IQGAP1: variants seen among roughly 807,000 people sequenced by gnomAD.
The protein encoded by IQGAP1 is ras GTPase-activating-like protein IQGAP1.
Under a neutral mutation model 215.6 loss-of-function variants are expected in IQGAP1, and 66 were observed. That is an observed-to-expected ratio of 0.31 (90% CI 0.25 to 0.38). The LOEUF (loss-of-function observed/expected upper bound fraction) is 0.38, where lower values mean the gene tolerates loss of function less well. Among genes scored for constraint, IQGAP1 ranks in the 10% least tolerant of loss-of-function variants. The pLI is 1.00. For synonymous variants in IQGAP1, 772 were observed against 728.7 expected (o/e 1.06, Z -0.96); for missense variants, 1,712 against 1,997.1 (o/e 0.86, Z 2.72).
chr15:90,400,562 A>C (rs2052073264), intron 2 of IQGAP1, among the ~76,000 whole-genome samples: 2 of 152,198 alleles, frequency 1.3e-5, no homozygotes. Context: ...GTAGGTGTTG[A>C]AATAGATGTG....
chr15:90,399,004 C>CAAAA (rs771595366), intron 2 of IQGAP1, among the ~76,000 whole-genome samples: 6 of 86,864 alleles, frequency 6.9e-5, no homozygotes, highest in East Asian at 2.9e-4. Context: ...GACATTGTCT[C>CAAAA]AAAAAAAAAA....
chr15:90,501,326 A>G lies in IQGAP1; in HGVS notation c.*1218A>G, dbSNP rs1372506968. The stretch of plus-strand genomic sequence containing the variant: ...CAGTTTTCTGGGCTTAGTTTAAAAA[A>G]AAAATCAAGTCTAAACATTGCATTT... On this transcript the variant is annotated 3_prime_UTR_variant, in exon 38 of 38. Coordinates refer to ENST00000268182, the MANE Select transcript of IQGAP1 (RefSeq NM_003870.4). 1 of 152,108 alleles carries G rather than the reference A, an allele frequency of 6.6e-6. No homozygotes were observed. Among genetic ancestry groups the G allele is most frequent in the Non-Finnish European group, 1.5e-5 (1 of 68,032 alleles). The allele number at this position is 152,108 out of a possible 1,614,324, so 9.4% of individuals were successfully genotyped here. A position where few individuals can be genotyped will look rare whatever the true frequency, so the allele number is the denominator to read the frequency against.
chr15:90,492,687 T>G lies in IQGAP1; in HGVS notation c.4604T>G (p.Leu1535Trp), dbSNP rs2151039816. The change falls in exon 35 of 38, where the codon TTG (leucine) becomes TGG (tryptophan). Residue 1535 changes from leucine (L) to tryptophan (W), a missense_variant. Physicochemically the swap from Leu to Trp is moderately conservative, Grantham distance 61. Around this residue, in one of 2 missense-constraint regions of IQGAP1, gnomAD observed 691 missense variants for 923.0 expected, o/e 0.75. Transcript: ENST00000268182. ...TATAAAAGCTATATCAAAACCTGCT[T>G]GGATAACTTAGCCAGCAAGGGCAAG... is the stretch of plus-strand genomic sequence containing the variant. The part of the protein sequence containing the change: ...DYYKSYIKTC[L>W]DNLASKGKVS... 1.2e-6 allele frequency: 2 copies of G among 1,611,680 alleles called. No individual in the cohort carries two copies. Among genetic ancestry groups the G allele is most frequent in the East Asian group, 4.5e-5 (2 of 44,862 alleles).
chr15:90,493,045 C>T (rs1966227631), intron 35 of IQGAP1, among the ~76,000 whole-genome samples: 1 of 152,054 alleles, frequency 6.6e-6, no homozygotes, highest in South Asian at 2.1e-4. Context: ...GAGTTCAAGA[C>T]CAGCCTGGTC....
intron 6 of IQGAP1, 66 bp from the exon 7 acceptor site, chr15:90,440,436 G>A: frequency 9.1e-7 from 1 of 1,102,270 alleles, no homozygotes. Context: ...TGAGGAATAT[G>A]TTTCCTTCTC....
intron 8 of IQGAP1, among the ~76,000 whole-genome samples, chr15:90,442,670 G>T (rs1367390851): frequency 6.6e-6 from 1 of 152,034 alleles, no homozygotes; most frequent in Non-Finnish European, 1.5e-5. Context: ...GGATCTGTAT[G>T]TGCCCATTCT....
At chr15:90,453,327 C>G in intron 13 of IQGAP1, 35 bp downstream of exon 13, 1 of 1,532,286 alleles carries the variant, frequency 6.5e-7, no homozygotes, top group Non-Finnish European at 8.9e-7. Context: ...AAATCCATTA[C>G]GTAGCTGTTA....
At chr15:90,433,169 C>A (rs1965326142) in intron 4 of IQGAP1, among the ~76,000 whole-genome samples, 1 of 152,212 alleles carries the variant, frequency 6.6e-6, no homozygotes, top group African/African-American at 2.4e-5. Flanking sequence ...TCTATTCTAG[C>A]TACTTCATCT....
intron 18 of IQGAP1, among the ~76,000 whole-genome samples, chr15:90,470,478 T>A (rs372558790): frequency 1.2e-3 from 185 of 152,294 alleles, no homozygotes; most frequent in African/African-American, 4.3e-3. Context: ...TCAGGTGATG[T>A]TGATGCTGCT....
rs186372202 is a variant in IQGAP1, at chr15:90,402,885, A to G, written c.155+12012A>G. On this transcript the variant is annotated intron_variant, in intron 2 of 37. Transcript: ENST00000268182. ...TGCAGTAGGCATTAATCAGCAGGTC[A>G]TTTTACTGTAAGTAACATACATCTC... 2.1e-4 allele frequency among the ~76,000 whole-genome samples: 32 copies of G among 152,206 alleles called. 1 individual carries two copies. In the East Asian group the frequency reaches 4.4e-3, roughly 21 times the overall value.
chr15:90,456,364 C>T, intron 15 of IQGAP1, 49 bp downstream of exon 15: 1 of 1,582,806 alleles, frequency 6.3e-7, no homozygotes, highest in Non-Finnish European at 8.6e-7. Flanking sequence ...CTCAGCCCTC[C>T]TAGAACAAAG....
At position 90,484,313 on chromosome 15, in the gene IQGAP1, A is replaced by G. The variant is rs1461552313; in HGVS notation, c.3882A>G (p.Val1294=). The change falls in exon 30 of 38, where the codon GTA becomes GTG. Residue 1294 remains valine (V), a synonymous_variant. Coordinates refer to ENST00000268182, the MANE Select transcript of IQGAP1 (RefSeq NM_003870.4). The stretch of plus-strand genomic sequence containing the variant: ...ATTTAGTAACCCTCACCAAACCAGT[A>G]ATCTACATTTCCATTGGTGAAATCA... The part of the protein sequence containing the change: ...YSDLVTLTKP[V]IYISIGEIIN... The G allele has an allele frequency of 9.9e-6, 16 of 1,612,378 alleles. No homozygotes were observed. Among genetic ancestry groups the G allele is most frequent in the Non-Finnish European group, 1.4e-5 (16 of 1,178,578 alleles).
chr15:90,422,106 T>G (rs534873006), intron 2 of IQGAP1, among the ~76,000 whole-genome samples: 1 of 152,234 alleles, frequency 6.6e-6, no homozygotes, highest in Non-Finnish European at 1.5e-5. Flanking sequence ...ATTTCTGCGA[T>G]TTTTCCCTTT....
At chr15:90,481,918 C>A (rs1966064534) in intron 26 of IQGAP1, 42 bp from the exon 27 acceptor site, 2 of 1,607,394 alleles carry the variant, frequency 1.2e-6, no homozygotes, top group Non-Finnish European at 8.5e-7. Flanking sequence ...CTGTTCCTGG[C>A]TGTTAGTCTA....
intron 2 of IQGAP1, among the ~76,000 whole-genome samples, chr15:90,420,844 A>G (rs1010996463): frequency 2.0e-5 from 3 of 152,178 alleles, no homozygotes; most frequent in Non-Finnish European, 4.4e-5. Context: ...CACCTCAGCC[A>G]TAGTTTTATT....
At chr15:90,457,617 T>C (rs1965704216) in intron 15 of IQGAP1, among the ~76,000 whole-genome samples, 2 of 147,278 alleles carry the variant, frequency 1.4e-5, no homozygotes, top group South Asian at 2.2e-4. Context: ...TTTTTTTGTA[T>C]TTTTTGTAGA....
At chr15:90,474,905 G>A (rs1331961024) in intron 23 of IQGAP1, 1 of 529,558 alleles carries the variant, frequency 1.9e-6, no homozygotes, top group Non-Finnish European at 3.4e-6. Context: ...TGCCTCCCAG[G>A]TTCAAGCAAT....
chr15:90,431,754 A>G (rs1182328712), intron 4 of IQGAP1, among the ~76,000 whole-genome samples: 1 of 152,232 alleles, frequency 6.6e-6, no homozygotes, highest in Non-Finnish European at 1.5e-5. Context: ...TGTTGTTCTT[A>G]ATATAATGTA....
chr15:90,478,013 C>A, intron 26 of IQGAP1, 124 bp downstream of exon 26: 1 of 688,122 alleles, frequency 1.5e-6, no homozygotes, highest in Non-Finnish European at 2.4e-6. Context: ...TTTTTTTAGA[C>A]AGAGTTTCAC....
Sources: allele counts gnomAD v4.1 joint callset (sites outside exome capture counted in the v4.1 genomes callset), GRCh38; gene constraint gnomAD v4.1.1; regional missense constraint gnomAD v4.1.1; transcripts MANE v1.5; gene names NCBI Gene and HGNC (gene_info 2026-07-23, HGNC 2026-07-21).